The following TMTC1 variants were observed in gnomAD, a reference collection of about 807,000 sequenced individuals.
TMTC1 encodes the protein protein O-mannosyl-transferase TMTC1.
TMTC1 carries 73 observed loss-of-function variants against 104.8 expected under a neutral mutation model. That is an observed-to-expected ratio of 0.70 (90% CI 0.58 to 0.85). The LOEUF (loss-of-function observed/expected upper bound fraction) is 0.85. Ranked by LOEUF, TMTC1 falls within the 40% of genes least tolerant of loss-of-function variation. The probability of loss-of-function intolerance (pLI) is 0.00; values close to 1 mark genes in which losing one functional copy is unlikely to be tolerated. For missense variants in TMTC1, 1,035 were observed against 1,096.1 expected, an observed-to-expected ratio of 0.94 and a Z score of 0.79; for synonymous variants, 434 against 428.7, an observed-to-expected ratio of 1.01 and a Z score of -0.15.
At chr12:29,567,607 T>A (rs1945552693) in intron 9 of TMTC1, among the ~76,000 whole-genome samples, 1 of 152,210 alleles carries the variant, frequency 6.6e-6, no homozygotes, top group African/African-American at 2.4e-5. Flanking sequence ...TCTCCACCTG[T>A]TAAACCTGGC....
At chr12:29,514,449 A>G in intron 16 of TMTC1, 33 bp downstream of exon 16, 2 of 1,588,152 alleles carry the variant, frequency 1.3e-6, no homozygotes, top group Non-Finnish European at 1.7e-6. Flanking sequence ...TAATCTGTGA[A>G]TTTGATGATA....
chr12:29,688,164 G>A (rs1420663745), intron 5 of TMTC1, among the ~76,000 whole-genome samples: 4 of 152,196 alleles, frequency 2.6e-5, no homozygotes, highest in Non-Finnish European at 5.9e-5. Context: ...TGGTCATTGT[G>A]ATGTGCTCAA....
chr12:29,672,282 C>T (rs1187124076), intron 5 of TMTC1, among the ~76,000 whole-genome samples: 1 of 152,212 alleles, frequency 6.6e-6, no homozygotes, highest in African/African-American at 2.4e-5. Context: ...AATGTTTCCA[C>T]AGCCCCCTGC....
chr12:29,513,536 T>C (rs949078518), intron 16 of TMTC1, among the ~76,000 whole-genome samples: 20 of 135,854 alleles, frequency 1.5e-4, no homozygotes, highest in Non-Finnish European at 5.1e-5. Context: ...TCCATGTGTT[T>C]TCCAATAATA....
At chr12:29,721,776 T>A (rs1475042920) in intron 5 of TMTC1, among the ~76,000 whole-genome samples, 1 of 152,080 alleles carries the variant, frequency 6.6e-6, no homozygotes, top group Non-Finnish European at 1.5e-5. Context: ...AAAAAGCTTT[T>A]ATGTATATAG....
intron 5 of TMTC1, among the ~76,000 whole-genome samples, chr12:29,663,809 A>G (rs1309036567): frequency 6.6e-6 from 1 of 151,818 alleles, no homozygotes; most frequent in African/African-American, 2.4e-5. Context: ...GAGCCACCAC[A>G]CCCAGCCAAT....
chr12:29,762,202 A>G (rs1471256312), intron 2 of TMTC1, among the ~76,000 whole-genome samples: 2 of 152,128 alleles, frequency 1.3e-5, no homozygotes, highest in Non-Finnish European at 2.9e-5. Context: ...CAAAATAAGC[A>G]TGGAGGTAAA....
intron 5 of TMTC1, among the ~76,000 whole-genome samples, chr12:29,688,547 A>G (rs1051725113): frequency 6.6e-6 from 1 of 152,224 alleles, no homozygotes; most frequent in African/African-American, 2.4e-5. Context: ...TGACAAGCCA[A>G]GTCTCAGGTA....
At position 29,783,709 on chromosome 12, in the gene TMTC1, T is replaced by A; in HGVS notation, c.43A>T (p.Thr15Ser). The A allele has an allele frequency of 8.1e-7, 1 of 1,236,048 alleles. No individual in the cohort carries two copies. The allele number at this position is 1,236,048 out of a possible 1,614,324, so 76.6% of individuals were successfully genotyped here. A position where few individuals can be genotyped will look rare whatever the true frequency, so the allele number is the denominator to read the frequency against. The change falls in exon 1 of 18, where the codon ACA (threonine) becomes TCA (serine). Residue 15 changes from threonine to serine, a missense_variant. Coordinates refer to ENST00000539277, the MANE Select transcript of TMTC1 (RefSeq NM_001193451.2). The surrounding 1 kb of genome is among the most constrained non-coding windows in gnomAD (Gnocchi z 4.7). ...TSARGGGGDRTPSRRRGCGLA... is the reference protein window; with the variant it reads ...TSARGGGGDRSPSRRRGCGLA... The stretch of plus-strand genomic sequence containing the variant: ...CCGCAGCCCCGCCGCCGGGAGGGTG[T>A]GCGGTCCCCGCCGCCGCCTCGGGCA...
Position 29,518,617 on chromosome 12 carries a change from G to T in TMTC1, c.1889-10C>A, listed in dbSNP as rs1197920102. On this transcript the variant is annotated splice_polypyrimidine_tract_variant and intron_variant, in intron 12 of 17. Transcript: ENST00000539277. Reference sequence around the variant, plus strand: ...GCCTTTTCTGGTAAGCCTGTAACCAGTGACAGGTTGGTAAGAGCAGAACAT... The same window carrying T: ...GCCTTTTCTGGTAAGCCTGTAACCATTGACAGGTTGGTAAGAGCAGAACAT... 1.2e-6 allele frequency: 2 copies of T among 1,613,714 alleles called. No homozygotes were observed. Among genetic ancestry groups the T allele is most frequent in the East Asian group, 4.5e-5 (2 of 44,872 alleles).
intron 8 of TMTC1, among the ~76,000 whole-genome samples, chr12:29,579,591 C>A (rs777285815): frequency 1.3e-5 from 2 of 151,982 alleles, no homozygotes; most frequent in African/African-American, 2.4e-5. Context: ...GAGCTGGATG[C>A]GAAAGGAAAT....
chr12:29,660,109 G>T, intron 5 of TMTC1: 1 of 743,812 alleles, frequency 1.3e-6, no homozygotes, highest in Non-Finnish European at 2.2e-6. Flanking sequence ...AGTTAGTCTT[G>T]TGGCTGGCTT....
Position 29,556,924 on chromosome 12 carries a change from A to T in TMTC1, c.1609T>A (p.Tyr537Asn). Residue 537 changes from tyrosine (Y) to asparagine (N), a missense_variant, in exon 10 of 18, where the codon TAT becomes AAT. Physicochemically the swap from Tyr to Asn is moderately radical, Grantham distance 143 (BLOSUM62 -2). Transcript: ENST00000539277. ...TRDTAEAKMY[Y>N]QRALQLHPQH... Reference sequence around the variant, plus strand: ...GGATGGAGCTGGAGAGCCCTCTGATAGTACATCTTTGCCTCTGCTGTGTCT... The same window carrying T: ...GGATGGAGCTGGAGAGCCCTCTGATTGTACATCTTTGCCTCTGCTGTGTCT... 6.2e-7 allele frequency: 1 copy of T among 1,614,110 alleles called. No individual in the cohort carries two copies.
At chr12:29,617,493 T>C (rs1947014564) in intron 6 of TMTC1, among the ~76,000 whole-genome samples, 1 of 151,062 alleles carries the variant, frequency 6.6e-6, no homozygotes, top group African/African-American at 2.4e-5. Context: ...TTCCAGGTAC[T>C]AGTCTAGGCT....
chr12:29,692,170 A>G (rs1941287387), intron 5 of TMTC1, among the ~76,000 whole-genome samples: 1 of 145,454 alleles, frequency 6.9e-6, no homozygotes, highest in South Asian at 2.2e-4. Flanking sequence ...TTGGCTTTCC[A>G]AACAATACAA....
chr12:29,515,448 C>T (rs1943956750), intron 15 of TMTC1, among the ~76,000 whole-genome samples: 1 of 152,246 alleles, frequency 6.6e-6, no homozygotes, highest in African/African-American at 2.4e-5. Flanking sequence ...TGCTCCCTCA[C>T]TCCCATTCCT....
At chr12:29,768,800 A>G (rs1943532453) in intron 1 of TMTC1, among the ~76,000 whole-genome samples, 1 of 152,218 alleles carries the variant, frequency 6.6e-6, no homozygotes, top group Non-Finnish European at 1.5e-5. Context: ...CCACAAAGGG[A>G]AAGAAAACCA....
rs1203509398 is a variant in TMTC1, at chr12:29,604,745, T to A, written c.1129-446A>T. ...AATATAATGTATTTTCTTTAAAAAA[T>A]TCACCAGGAGAAGCAAAGTTTAACA... On this transcript the variant is annotated intron_variant, in intron 6 of 17. Transcript: ENST00000539277. Among the ~76,000 whole-genome samples, 6 of 152,270 alleles carry A rather than the reference T, an allele frequency of 3.9e-5. No individual in the cohort carries two copies. The East Asian group carries it at 9.7e-4, about 25-fold the overall frequency.
At chr12:29,630,859 AT>A (rs1445083797) in intron 6 of TMTC1, among the ~76,000 whole-genome samples, 2 of 152,130 alleles carry the variant, frequency 1.3e-5, no homozygotes, top group Non-Finnish European at 2.9e-5. Flanking sequence ...TGTCTGAATC[AT>A]TTTTTATTCC....
Sources: gnomAD v4.1 joint callset for allele counts (sites outside exome capture counted in the v4.1 genomes callset) on GRCh38, gnomAD v4.1.1 for gene constraint, Gnocchi (gnomAD v3.1) non-coding constraint, MANE v1.5 for transcripts, NCBI Gene and HGNC (gene_info 2026-07-23, HGNC 2026-07-21) for gene names.